Variants in ZNF429 observed in about 807,000 individuals in gnomAD.
ZNF429 encodes the protein zinc finger protein 429.
A neutral mutation model predicts 56.8 loss-of-function variants in ZNF429; 53 were observed. The ratio of observed to expected loss-of-function variants is 0.93; its 90% CI spans 0.75 to 1.17. The LOEUF is 1.17. Ranked by LOEUF, ZNF429 falls within the 50% of genes most tolerant of loss-of-function variation. ZNF429 has a pLI of 0.00. For missense variants in ZNF429, 849 were observed against 788.4 expected (o/e 1.08, Z -0.92); for synonymous variants, 278 against 264.7 (o/e 1.05, Z -0.49).
chr19:21,528,509 T>C (rs1018220386), intron 1 of ZNF429, among the ~76,000 whole-genome samples: 6 of 151,978 alleles, frequency 3.9e-5, no homozygotes, highest in African/African-American at 1.5e-4. Flanking sequence ...GTTCAAAACC[T>C]GTCTGACCAA....
chr19:21,513,312 T>G (rs1271014267), intron 1 of ZNF429, among the ~76,000 whole-genome samples: 1 of 152,226 alleles, frequency 6.6e-6, no homozygotes, highest in Non-Finnish European at 1.5e-5. Flanking sequence ...TCCTATACAT[T>G]TCTTCCATTT....
intron 1 of ZNF429, among the ~76,000 whole-genome samples, chr19:21,507,031 G>A (rs1340252446): frequency 6.6e-6 from 1 of 152,136 alleles, no homozygotes; most frequent in African/African-American, 2.4e-5. Flanking sequence ...GCCTCCCAAA[G>A]TGCTGGGATT....
intron 3 of ZNF429, among the ~76,000 whole-genome samples, chr19:21,535,377 CTTTTTTA>C: frequency 2.7e-4 from 14 of 51,112 alleles, no homozygotes; most frequent in African/African-American, 9.8e-4. Context: ...TTCTTTCTTT[CTTTTTTA>C]CTTTCTTTCT....
intron 1 of ZNF429, among the ~76,000 whole-genome samples, chr19:21,517,880 G>C (rs7255176): frequency 0.036 from 5,301 of 149,200 alleles, 311 homozygotes; most frequent in African/African-American, 0.12. Flanking sequence ...TGCAAGCTCC[G>C]TCTCCCAGGT....
At chr19:21,525,436 A>C (rs2033128135) in intron 1 of ZNF429, among the ~76,000 whole-genome samples, 1 of 151,940 alleles carries the variant, frequency 6.6e-6, no homozygotes, top group Non-Finnish European at 1.5e-5. Flanking sequence ...AGAATTCTAC[A>C]CAGGGTCCAC....
intron 3 of ZNF429, among the ~76,000 whole-genome samples, chr19:21,535,804 C>T: frequency 9.9e-5 from 15 of 152,166 alleles, no homozygotes; most frequent in Admixed American, 4.6e-4. Context: ...TGAGCCACCG[C>T]GCCTGACCAA....
chr19:21,523,810 A>T (rs116419668), intron 1 of ZNF429, among the ~76,000 whole-genome samples: 48 of 152,224 alleles, frequency 3.2e-4, no homozygotes, highest in African/African-American at 1.1e-3. Flanking sequence ...TTCTAGATAG[A>T]TGTATAATCT....
In ZNF429 at chr19:21,534,795, T is replaced by G; in HGVS notation, c.227-1485T>G. Among the ~76,000 whole-genome samples, 5 of 149,184 alleles carry G rather than the reference T, an allele frequency of 3.4e-5. No individual in the cohort carries two copies. In the East Asian group the frequency reaches 5.9e-4, roughly 18 times the overall value. ...CAGCTGGAAAGTTGTTTTTTGTGTT[T>G]TTTTTTTTTTGTTCGTTTGTTTGTT... On this transcript the variant is annotated intron_variant, in intron 3 of 3. Transcript: ENST00000358491.
At chr19:21,518,995 GAA>G (rs2032887613) in intron 1 of ZNF429, 1 of 128,354 alleles carries the variant, frequency 7.8e-6, no homozygotes, top group Admixed American at 7.9e-5. Context: ...ATGGTGATGA[GAA>G]AGATATATAT....
intron 3 of ZNF429, among the ~76,000 whole-genome samples, chr19:21,531,738 G>A: frequency 6.6e-5 from 10 of 151,786 alleles, no homozygotes; most frequent in South Asian, 2.1e-4. Context: ...CCTAGGAGGC[G>A]GAGGTTGCAG....
At chr19:21,534,043 T>G in intron 3 of ZNF429, among the ~76,000 whole-genome samples, 1 of 152,194 alleles carries the variant, frequency 6.6e-6, no homozygotes, top group Non-Finnish European at 1.5e-5. Context: ...ACTGTAGCTT[T>G]TAATATGTTT....
At chr19:21,510,171 G>A (rs2032383489) in intron 1 of ZNF429, among the ~76,000 whole-genome samples, 1 of 152,100 alleles carries the variant, frequency 6.6e-6, no homozygotes, top group South Asian at 2.1e-4. Context: ...TCTTTCATAG[G>A]GGTGAGCAAA....
At chr19:21,512,702 A>T (rs1369030691) in intron 1 of ZNF429, among the ~76,000 whole-genome samples, 2 of 150,918 alleles carry the variant, frequency 1.3e-5, no homozygotes, top group Admixed American at 1.3e-4. Flanking sequence ...AGAATGCCTT[A>T]ACTGTTTGGG....
intron 1 of ZNF429, among the ~76,000 whole-genome samples, chr19:21,521,118 T>TA (rs748734713): frequency 7.2e-5 from 11 of 152,356 alleles, no homozygotes; most frequent in Non-Finnish European, 1.3e-4. Flanking sequence ...ACAAAATTGT[T>TA]ACAGTAGATA....
chr19:21,513,016 G>A (rs546203554), intron 1 of ZNF429, among the ~76,000 whole-genome samples: 2 of 151,774 alleles, frequency 1.3e-5, no homozygotes, highest in South Asian at 2.1e-4. Flanking sequence ...GACTACAGGC[G>A]CCTGCCACCA....
chr19:21,513,022 C>T (rs762232999), intron 1 of ZNF429, among the ~76,000 whole-genome samples: 5 of 151,984 alleles, frequency 3.3e-5, no homozygotes, highest in African/African-American at 4.8e-5. Context: ...AGGCGCCTGC[C>T]ACCATGCCCG....
At chr19:21,517,786 T>C (rs921433116) in intron 1 of ZNF429, among the ~76,000 whole-genome samples, 6 of 151,558 alleles carry the variant, frequency 4.0e-5, no homozygotes, top group African/African-American at 1.2e-4. Context: ...AATGACCCTT[T>C]TGTCATTTCC....
intron 3 of ZNF429, among the ~76,000 whole-genome samples, chr19:21,535,381 TTTA>T: frequency 0.12 from 5,955 of 48,684 alleles, 1,072 homozygotes; most frequent in Middle Eastern, 0.16. Context: ...TTCTTTCTTT[TTTA>T]CTTTCTTTCT....
At chr19:21,512,189 G>A (rs922993961) in intron 1 of ZNF429, among the ~76,000 whole-genome samples, 2 of 152,148 alleles carry the variant, frequency 1.3e-5, no homozygotes, top group African/African-American at 4.8e-5. Flanking sequence ...GTAACTTCCT[G>A]ATATTGCATT....
Sources: allele counts gnomAD v4.1 joint callset (sites outside exome capture counted in the v4.1 genomes callset), GRCh38; gene constraint gnomAD v4.1.1; transcripts MANE v1.5; gene names NCBI Gene and HGNC (gene_info 2026-07-23, HGNC 2026-07-21).